The following PSTPIP2 variants were observed in gnomAD, a reference collection of about 807,000 sequenced individuals.
PSTPIP2 encodes the protein proline-serine-threonine phosphatase interacting protein 2.
PSTPIP2 carries 33 observed loss-of-function variants against 63.3 expected under a neutral mutation model. The observed-to-expected ratio is 0.52, with a 90% CI of 0.40 to 0.70. The LOEUF (loss-of-function observed/expected upper bound fraction) is 0.70, where lower values mean the gene tolerates loss of function less well. Ranked by LOEUF, PSTPIP2 falls within the 30% of genes least tolerant of loss-of-function variation. The probability of loss-of-function intolerance (pLI) is 0.00; values close to 1 mark genes in which losing one functional copy is unlikely to be tolerated. For missense variants in PSTPIP2, 312 were observed against 400.7 expected (o/e 0.78, Z 1.89); for synonymous variants, 125 against 132.7 (o/e 0.94, Z 0.40).
intron 2 of PSTPIP2, among the ~76,000 whole-genome samples, chr18:46,031,224 G>A (rs768812610): frequency 2.2e-4 from 33 of 151,970 alleles, no homozygotes; most frequent in Non-Finnish European, 4.1e-4. Flanking sequence ...CTTTTGCCTT[G>A]ATATATTTCT....
chr18:46,039,936 C>A lies in PSTPIP2; in HGVS notation c.134+11G>T. 2 of 1,597,572 alleles carry A rather than the reference C, an allele frequency of 1.3e-6. No individual in the cohort carries two copies. The highest frequency in any genetic ancestry group is 1.7e-6 in the Non-Finnish European group (2 of 1,165,140). On this transcript the variant is annotated intron_variant, in intron 2 of 14. Transcript: ENST00000409746. Reference sequence around the variant, plus strand: ...CCCACCCTCTTCAGAGAGGACAGAGCATCATCGTACCTTTCTTTTAGAAAG... The same window carrying A: ...CCCACCCTCTTCAGAGAGGACAGAGAATCATCGTACCTTTCTTTTAGAAAG...
intron 14 of PSTPIP2, among the ~76,000 whole-genome samples, chr18:45,988,435 G>GGAAAAAAAAAAAAA: frequency 7.8e-6 from 1 of 128,582 alleles, no homozygotes; most frequent in South Asian, 2.3e-4. Flanking sequence ...ACTCTGCTTC[G>GGAAAAAAAAAAAAA]AAAAAAAAAA....
intron 6 of PSTPIP2, among the ~76,000 whole-genome samples, chr18:46,003,798 A>G (rs1407501168): frequency 7.1e-6 from 1 of 140,588 alleles, no homozygotes. Flanking sequence ...CTTGTTGCCC[A>G]GGCTGGAGTA....
chr18:46,030,123 AAAAGAAAGAAAAGAAAAAG>A (rs1907737374), intron 2 of PSTPIP2, among the ~76,000 whole-genome samples: 1 of 152,174 alleles, frequency 6.6e-6, no homozygotes, highest in African/African-American at 2.4e-5. Flanking sequence ...TCAAAAAAAG[AAAAGAAAGAAAAGAAAAAG>A]AAAGAAAGAA....
chr18:45,995,115 T>C (rs1247357613), intron 9 of PSTPIP2, among the ~76,000 whole-genome samples: 1 of 152,078 alleles, frequency 6.6e-6, no homozygotes, highest in Non-Finnish European at 1.5e-5. Context: ...TTTGGGGGGT[T>C]TTATTTTGTT....
At position 45,992,128 on chromosome 18, in the gene PSTPIP2, G is replaced by A. The variant is rs768747363; in HGVS notation, c.816C>T (p.Arg272=). The change falls in exon 11 of 15, where the codon CGC becomes CGT. Residue 272 remains arginine, a synonymous_variant. Coordinates refer to ENST00000409746, the MANE Select transcript of PSTPIP2 (RefSeq NM_024430.4). ...CACCTGGTGGAATCTGTCCAGTTTT[G>A]CGTTGATTCACAAAGTATTCAATGT... is the stretch of plus-strand genomic sequence containing the variant. ...QRDIEYFVNQ[R]KTGQIPPAPI... 1 of 1,608,436 alleles carries A rather than the reference G, an allele frequency of 6.2e-7. No homozygotes were observed. Among genetic ancestry groups the A allele is most frequent in the African/African-American group, 1.3e-5 (1 of 74,850 alleles).
chr18:46,065,936 C>T (rs963310932), intron 1 of PSTPIP2, among the ~76,000 whole-genome samples: 3 of 151,782 alleles, frequency 2.0e-5, no homozygotes, highest in African/African-American at 7.3e-5. Flanking sequence ...CAGTAGAATA[C>T]AAGATAGTAC....
At chr18:46,019,304 G>C (rs2051886924) in intron 3 of PSTPIP2, among the ~76,000 whole-genome samples, 1 of 152,134 alleles carries the variant, frequency 6.6e-6, no homozygotes. Flanking sequence ...TGTTTTCCAA[G>C]TGGCCCCTTC....
In PSTPIP2 at chr18:45,992,141, A is replaced by C; in HGVS notation, c.803T>G (p.Phe268Cys). The change falls in exon 11 of 15, where the codon TTT (phenylalanine) becomes TGT (cysteine). Residue 268 changes from phenylalanine (F) to cysteine (C), a missense_variant. Physicochemically the swap from Phe to Cys is radical, Grantham distance 205. Transcript: ENST00000409746. ...CTGTCCAGTTTTGCGTTGATTCACA[A>C]AGTATTCAATGTCCCTCTGAATGCT... ...MCSIQRDIEY[F>C]VNQRKTGQIP... is the part of the protein sequence containing the mutation. The C allele has an allele frequency of 6.2e-7, 1 of 1,608,976 alleles. No homozygotes were observed. The highest frequency in any genetic ancestry group is 8.5e-7 in the Non-Finnish European group (1 of 1,177,466).
chr18:46,056,673 G>A (rs1328350035), intron 1 of PSTPIP2, among the ~76,000 whole-genome samples: 1 of 152,186 alleles, frequency 6.6e-6, no homozygotes, highest in African/African-American at 2.4e-5. Flanking sequence ...GCTGCAGTGA[G>A]GTATGGTTGC....
intron 7 of PSTPIP2, among the ~76,000 whole-genome samples, chr18:45,999,225 C>A (rs1330640115): frequency 6.6e-6 from 1 of 152,204 alleles, no homozygotes; most frequent in African/African-American, 2.4e-5. Flanking sequence ...ATCACCCCAT[C>A]TCCCTCCCTC....
intron 1 of PSTPIP2, among the ~76,000 whole-genome samples, chr18:46,060,229 A>T (rs1908940894): frequency 6.6e-6 from 1 of 152,066 alleles, no homozygotes; most frequent in Non-Finnish European, 1.5e-5. Flanking sequence ...TAGGGACTCT[A>T]TTTCACTATG....
At chr18:46,070,042 A>G (rs889500102) in intron 1 of PSTPIP2, among the ~76,000 whole-genome samples, 16 of 152,204 alleles carry the variant, frequency 1.1e-4, no homozygotes, top group Admixed American at 3.9e-4. Context: ...AGGAGTAGAC[A>G]CTGTTATTAT....
chr18:46,030,870 GC>G (rs557270887), intron 2 of PSTPIP2, among the ~76,000 whole-genome samples: 28 of 152,162 alleles, frequency 1.8e-4, no homozygotes, highest in Non-Finnish European at 4.0e-4. Context: ...TTGTACAGAA[GC>G]CTGGGGCCAT....
chr18:45,996,747 C>G (rs2051599346), intron 9 of PSTPIP2, among the ~76,000 whole-genome samples: 1 of 151,978 alleles, frequency 6.6e-6, no homozygotes, highest in Admixed American at 6.6e-5. Context: ...GCCTGGGCAA[C>G]AGAGCAAGTC....
chr18:45,995,510 G>A (rs949315529), intron 9 of PSTPIP2, among the ~76,000 whole-genome samples: 2 of 152,246 alleles, frequency 1.3e-5, no homozygotes, highest in African/African-American at 4.8e-5. Context: ...TTTCCCCTAA[G>A]AGTGTGGAGT....
chr18:46,036,704 G>A (rs1907992588), intron 2 of PSTPIP2, among the ~76,000 whole-genome samples: 1 of 152,196 alleles, frequency 6.6e-6, no homozygotes, highest in Non-Finnish European at 1.5e-5. Context: ...CAAGGAAAAG[G>A]ATATTTCCTA....
At chr18:45,998,048 A>G (rs755096198) in intron 8 of PSTPIP2, among the ~76,000 whole-genome samples, 1 of 151,982 alleles carries the variant, frequency 6.6e-6, no homozygotes, top group Non-Finnish European at 1.5e-5. Context: ...TAAACATTGG[A>G]CCTAACATTG....
intron 2 of PSTPIP2, chr18:46,028,966 A>T (rs1328595707): frequency 9.2e-7 from 1 of 1,087,886 alleles, no homozygotes; most frequent in Non-Finnish European, 1.4e-6. Context: ...TGCTGCTCAG[A>T]TCTCATCTGT....
Sources: allele counts gnomAD v4.1 joint callset (sites outside exome capture counted in the v4.1 genomes callset), GRCh38; gene constraint gnomAD v4.1.1; transcripts MANE v1.5; gene names NCBI Gene and HGNC (gene_info 2026-07-23, HGNC 2026-07-21).